The following SUPT20H variants were observed in gnomAD, a reference collection of about 807,000 sequenced individuals.
SUPT20H encodes the protein SPT20 homolog, SAGA complex component.
Under a neutral mutation model 122.8 loss-of-function variants are expected in SUPT20H, and 82 were observed. That is an observed-to-expected ratio of 0.67 (90% CI 0.56 to 0.80). SUPT20H has a LOEUF of 0.80. SUPT20H is among the 30% of genes least tolerant of loss of function. The pLI is 0.00. For synonymous variants in SUPT20H, 291 were observed against 313.0 expected (o/e 0.93, Z 0.74); for missense variants, 831 against 921.6 (o/e 0.90, Z 1.27).
chr13:37,016,416 C>T (rs1361328474), intron 23 of SUPT20H, among the ~76,000 whole-genome samples: 4 of 139,022 alleles, frequency 2.9e-5, no homozygotes, highest in Admixed American at 7.5e-5. Context: ...GGCAACAGCG[C>T]GAGACTCTGT....
At chr13:37,051,611 A>G (rs2067701482) in intron 1 of SUPT20H, 28 bp from the exon 2 acceptor site, 1 of 727,088 alleles carries the variant, frequency 1.4e-6, no homozygotes, top group Non-Finnish European at 2.3e-6. Context: ...TAAAACCCCA[A>G]TATTAACATA....
intron 17 of SUPT20H, chr13:37,025,033 C>T (rs1343756158): frequency 3.6e-5 from 12 of 331,548 alleles, no homozygotes; most frequent in South Asian, 2.4e-4. Context: ...CCTCCACCTC[C>T]GGGGTTCAAG....
rs2070196921 is a variant in SUPT20H at position 37,059,578 on chromosome 13, G to C, written c.-113C>G. 6.6e-6 allele frequency: 1 copy of C among 152,410 alleles called. No homozygotes were observed. The highest frequency in any genetic ancestry group is 6.5e-5 in the Admixed American group (1 of 15,282). 9.4% of individuals were successfully genotyped at this position (152,410 alleles called of 1,614,324 possible). A position where few individuals can be genotyped will look rare whatever the true frequency, so the allele number is the denominator to read the frequency against. On this transcript the variant is annotated 5_prime_UTR_variant, in exon 1 of 26. Coordinates refer to ENST00000350612, the MANE Select transcript of SUPT20H (RefSeq NM_001014286.3). ...GCCCACCTGTGCGGGTCGCCTCGCCGCTAGGCCCCAAGACGGCGCCGCCTG... is the reference window on the plus strand; with the variant it reads ...GCCCACCTGTGCGGGTCGCCTCGCCCCTAGGCCCCAAGACGGCGCCGCCTG...
chr13:37,031,796 T>C lies in SUPT20H; in HGVS notation c.807A>G (p.Lys269=). Reference sequence around the variant, plus strand: ...GCTGACCTGCTTTTCTTTCCTTTCTTTTTTGTAAGAAATCAAGTAACCTCA... The same window carrying C: ...GCTGACCTGCTTTTCTTTCCTTTCTCTTTTGTAAGAAATCAAGTAACCTCA... ...PQLRLLDFLQ[K]RKERKAGQHY... Residue 269 remains lysine, a synonymous_variant, in exon 11 of 26, where the codon AAA becomes AAG. Coordinates refer to ENST00000350612, the MANE Select transcript of SUPT20H (RefSeq NM_001014286.3). The C allele has an allele frequency of 1.2e-6, 2 of 1,610,126 alleles. No individual in the cohort carries two copies. The highest frequency in any genetic ancestry group is 8.5e-7 in the Non-Finnish European group (1 of 1,178,704).
rs144456755 is a variant in SUPT20H, at chr13:37,048,001, G to A, written c.40-65C>T. On this transcript the variant is annotated intron_variant, in intron 3 of 25. Coordinates refer to ENST00000350612, the MANE Select transcript of SUPT20H (RefSeq NM_001014286.3). ...TTTTGACTATGAACAACTGTATTGA[G>A]TATATCTAAAACATACGTAAGGCTA... 2.2e-3 allele frequency: 2,844 copies of A among 1,277,558 alleles called. 41 individuals are homozygous for A. In the African/African-American group the frequency reaches 0.037, roughly 17 times the overall value. The allele number at this position is 1,277,558 out of a possible 1,614,324, so 79.1% of individuals were successfully genotyped here.
chr13:37,027,080 A>G, intron 14 of SUPT20H, among the ~76,000 whole-genome samples: 1 of 152,058 alleles, frequency 6.6e-6, no homozygotes, highest in Non-Finnish European at 1.5e-5. Context: ...AAAATGGCCA[A>G]TGTATGTTGT....
At chr13:37,047,801 C>A in intron 4 of SUPT20H, 77 bp downstream of exon 4, 3 of 1,424,622 alleles carry the variant, frequency 2.1e-6, no homozygotes, top group Non-Finnish European at 1.9e-6. Context: ...TAGCTCAGTC[C>A]CTACGAGGAA....
At chr13:37,053,688 A>C (rs1330470378) in intron 1 of SUPT20H, among the ~76,000 whole-genome samples, 3 of 146,992 alleles carry the variant, frequency 2.0e-5, no homozygotes, top group Non-Finnish European at 4.4e-5. Context: ...CTTAAACTAA[A>C]ATTAAAAAAA....
At chr13:37,011,128 G>A (rs534691073) in intron 24 of SUPT20H, among the ~76,000 whole-genome samples, 1 of 152,226 alleles carries the variant, frequency 6.6e-6, no homozygotes, top group East Asian at 1.9e-4. Context: ...ACTAAGCATT[G>A]TTTGTTATTT....
At chr13:37,021,911 G>C (rs1392506735) in intron 20 of SUPT20H, 100 bp downstream of exon 20, 3 of 1,345,994 alleles carry the variant, frequency 2.2e-6, no homozygotes, top group Admixed American at 4.7e-5. Flanking sequence ...TTCAGTCTGA[G>C]TAATATGCGG....
At position 37,048,568 on chromosome 13, in the gene SUPT20H, G is replaced by C; in HGVS notation, c.35C>G (p.Ala12Gly). The change falls in exon 3 of 26, where the codon GCA (alanine) becomes GGA (glycine). Residue 12 changes from alanine (A) to glycine (G), a missense_variant. Physicochemically the swap from Ala to Gly is moderately conservative, Grantham distance 60 (BLOSUM62 0). Transcript: ENST00000350612. ...TGTAACTTAGTCACACCTCACCTCT[G>C]CACGATCCAAAGCTAGTTCTAAAGC... Reference protein sequence around the residue: ...QQALELALDRAEYVIESARQR... With the variant: ...QQALELALDRGEYVIESARQR... The C allele has an allele frequency of 6.2e-7, 1 of 1,600,042 alleles. No individual in the cohort carries two copies. Among genetic ancestry groups the C allele is most frequent in the Non-Finnish European group, 8.5e-7 (1 of 1,174,014 alleles).
rs768924840 is a variant in SUPT20H at position 37,047,526 on chromosome 13, T to C, written c.165+9A>G. ...CAAAAGCTACAACATAATAAAAATG[T>C]ATACTTACCTTAACTTCAGGTTCTT... On this transcript the variant is annotated intron_variant, in intron 5 of 25. Coordinates refer to ENST00000350612, the MANE Select transcript of SUPT20H (RefSeq NM_001014286.3). 12 of 1,437,726 alleles carry C rather than the reference T, an allele frequency of 8.3e-6. No homozygotes were observed. In the East Asian group the frequency reaches 2.9e-4, roughly 35 times the overall value. The allele number at this position is 1,437,726 out of a possible 1,614,324, so 89.1% of individuals were successfully genotyped here. A position where few individuals can be genotyped will look rare whatever the true frequency, so the allele number is the denominator to read the frequency against.
Position 37,050,738 on chromosome 13 carries a change from G to C in SUPT20H, c.3+750C>G, listed in dbSNP as rs576644477. Among the ~76,000 whole-genome samples, 44 of 152,240 alleles carry C rather than the reference G, an allele frequency of 2.9e-4. 1 individual carries two copies. In the South Asian group the frequency reaches 8.7e-3, roughly 30 times the overall value. On this transcript the variant is annotated intron_variant, in intron 2 of 25. Coordinates refer to ENST00000350612, the MANE Select transcript of SUPT20H (RefSeq NM_001014286.3). The stretch of plus-strand genomic sequence containing the variant: ...AAGAGGAAAATGATTAGGTAATATA[G>C]ATGCAAAATACAAGGTGTTGTCAGA...
chr13:37,031,696 G>A (rs772367350), intron 11 of SUPT20H, 43 bp downstream of exon 11: 35 of 1,548,220 alleles, frequency 2.3e-5, no homozygotes, highest in Non-Finnish European at 2.9e-5. Flanking sequence ...AATAAGACAG[G>A]CTTTTGGGCA....
chr13:37,040,105 G>T (rs1594350070), intron 9 of SUPT20H: 10 of 228,362 alleles, frequency 4.4e-5, no homozygotes, highest in Middle Eastern at 1.5e-3. Context: ...GTATCTATTT[G>T]TAACCATGGT....
chr13:37,028,220 T>G lies in SUPT20H; in HGVS notation c.1079A>C (p.Asp360Ala). 3.7e-6 allele frequency: 6 copies of G among 1,613,644 alleles called. No homozygotes were observed. Among genetic ancestry groups the G allele is most frequent in the Non-Finnish European group, 5.1e-6 (6 of 1,179,790 alleles). ...CTGTATTTTACCATAGTAAAGTGGA[T>G]CTCCAAGCGACTGCAAGATGGTCAG... ...TKLTILQSLG[D>A]PLYYGKIQPC... Residue 360 changes from aspartate to alanine, a missense_variant, in exon 14 of 26, where the codon GAT becomes GCT. By Grantham distance (126) the Asp-to-Ala change is moderately radical. Coordinates refer to ENST00000350612, the MANE Select transcript of SUPT20H (RefSeq NM_001014286.3).
Position 37,040,815 on chromosome 13 carries a change from C to T in SUPT20H, c.397-123G>A, listed in dbSNP as rs1001857909. The T allele has an allele frequency of 6.0e-5, 40 of 666,230 alleles. No homozygotes were observed. The East Asian group carries it at 1.0e-3, about 17-fold the overall frequency. The allele number at this position is 666,230 out of a possible 1,614,324, so 41.3% of individuals were successfully genotyped here. A position where few individuals can be genotyped will look rare whatever the true frequency, so the allele number is the denominator to read the frequency against. ...ATTTCTGGCCACTCATGTATGTACT[C>T]TTCAGTAGATTTCCTTGGTAGATTT... is the stretch of plus-strand genomic sequence containing the variant. On this transcript the variant is annotated intron_variant, in intron 7 of 25. Transcript: ENST00000350612.
chr13:37,031,080 T>C (rs948691999), intron 12 of SUPT20H, among the ~76,000 whole-genome samples: 1 of 152,164 alleles, frequency 6.6e-6, no homozygotes, highest in African/African-American at 2.4e-5. Flanking sequence ...ATGTATATTA[T>C]GGATCAATAA....
chr13:37,047,857 T>G, intron 4 of SUPT20H, 21 bp downstream of exon 4: 1 of 1,592,784 alleles, frequency 6.3e-7, no homozygotes, highest in Non-Finnish European at 8.6e-7. Flanking sequence ...ATCTAAGATG[T>G]TACCAATTAA....
Sources: allele counts gnomAD v4.1 joint callset (sites outside exome capture counted in the v4.1 genomes callset), GRCh38; gene constraint gnomAD v4.1.1; transcripts MANE v1.5; gene names NCBI Gene and HGNC (gene_info 2026-07-23, HGNC 2026-07-21).